The following ZFHX3 variants were observed in gnomAD, a reference collection of about 807,000 sequenced individuals.
The protein encoded by ZFHX3 is zinc finger homeobox protein 3.
A neutral mutation model predicts 279.1 loss-of-function variants in ZFHX3; 42 were observed. The observed-to-expected ratio is 0.15, with a 90% CI of 0.12 to 0.19. The LOEUF (loss-of-function observed/expected upper bound fraction) is 0.19, where lower values mean the gene tolerates loss of function less well. Among genes scored for constraint, ZFHX3 ranks in the 10% least tolerant of loss-of-function variants. ZFHX3 has a pLI of 1.00. For missense variants in ZFHX3, 4,981 were observed against 4,754.0 expected, an observed-to-expected ratio of 1.05 and a Z score of -1.40; for synonymous variants, 2,293 against 1,957.8, an observed-to-expected ratio of 1.17 and a Z score of -4.52.
intron 3 of ZFHX3, among the ~76,000 whole-genome samples, chr16:73,347,881 A>C (rs1323373272): frequency 1.3e-5 from 2 of 152,250 alleles, no homozygotes; most frequent in Non-Finnish European, 2.9e-5. Context: ...ATGCTAAGCA[A>C]GAACTTTGAT....
rs899302949 is a variant in ZFHX3, at chr16:72,801,243, C to T, written c.3865-1114G>A. On this transcript the variant is annotated intron_variant, in intron 7 of 9. Transcript: ENST00000268489. ...ACTACAGTCACCACTAACCTTTCTACGTGGCACCCAGCCCCACTTGGAGAC... is the reference window on the plus strand; with the variant it reads ...ACTACAGTCACCACTAACCTTTCTATGTGGCACCCAGCCCCACTTGGAGAC... Among the ~76,000 whole-genome samples the T allele has an allele frequency of 2.6e-5, 4 of 152,290 alleles. No individual in the cohort carries two copies. The East Asian group carries it at 5.8e-4, about 22-fold the overall frequency.
chr16:73,549,765 G>A (rs1250876317), intron 2 of ZFHX3, among the ~76,000 whole-genome samples: 1 of 152,068 alleles, frequency 6.6e-6, no homozygotes, highest in Non-Finnish European at 1.5e-5. Flanking sequence ...TTAAATCTGA[G>A]CAGAAAATAT....
chr16:73,782,111 T>C (rs1959491728), intron 1 of ZFHX3, among the ~76,000 whole-genome samples: 1 of 152,240 alleles, frequency 6.6e-6, no homozygotes, highest in African/African-American at 2.4e-5. Flanking sequence ...AAAGACTCTC[T>C]TTGGTCAGGA....
chr16:73,108,157 T>C (rs1966327177), intron 7 of ZFHX3, among the ~76,000 whole-genome samples: 1 of 151,728 alleles, frequency 6.6e-6, no homozygotes, highest in Non-Finnish European at 1.5e-5. Context: ...CAAGATTCCA[T>C]CTCAAATAAA....
At chr16:73,820,532 G>A (rs890347674) in intron 1 of ZFHX3, among the ~76,000 whole-genome samples, 1 of 152,044 alleles carries the variant, frequency 6.6e-6, no homozygotes, top group Non-Finnish European at 1.5e-5. Context: ...TGCACATTGA[G>A]TTTGCAGCCA....
intron 1 of ZFHX3, among the ~76,000 whole-genome samples, chr16:73,027,929 T>G (rs1394058875): frequency 6.6e-6 from 1 of 152,160 alleles, no homozygotes; most frequent in African/African-American, 2.4e-5. Context: ...CGCTCAGCAC[T>G]GCAGAGAGAG....
In ZFHX3 at chr16:73,246,799, A is replaced by G. The variant is rs187592946; in HGVS notation, c.-1104+10248T>C. On this transcript the variant is annotated intron_variant, in intron 5 of 17. Coordinates refer to the ZFHX3 transcript ENST00000641206. ...GTTCCTATATAATAAAGTTTTATAC[A>G]AACTAGTAATTCTAAAATGATTCTT... Among the ~76,000 whole-genome samples the G allele has an allele frequency of 8.9e-4, 135 of 152,342 alleles. 1 individual carries two copies. The highest frequency in any genetic ancestry group is 1.1e-3 in the Non-Finnish European group (78 of 68,028).
At chr16:73,318,267 T>G (rs539365550) in exon 4 of ZFHX3, 65 of 152,210 alleles carry the variant, frequency 4.3e-4, no homozygotes, top group African/African-American at 1.5e-3. Flanking sequence ...TGGAAAAAGC[T>G]GGAACCATGG....
chr16:73,066,072 C>G (rs1021774096), intron 8 of ZFHX3, among the ~76,000 whole-genome samples: 5 of 152,314 alleles, frequency 3.3e-5, no homozygotes, highest in Admixed American at 6.5e-5. Context: ...GCCGGGCTAC[C>G]CGTGGGGTGG....
chr16:73,302,700 G>C (rs2015084894), intron 4 of ZFHX3, among the ~76,000 whole-genome samples: 1 of 152,156 alleles, frequency 6.6e-6, no homozygotes, highest in African/African-American at 2.4e-5. Flanking sequence ...GGGACCTCAG[G>C]GAGTCAACAG....
At chr16:73,434,036 C>T (rs974942626) in intron 3 of ZFHX3, among the ~76,000 whole-genome samples, 1 of 152,188 alleles carries the variant, frequency 6.6e-6, no homozygotes, top group Admixed American at 6.5e-5. Flanking sequence ...TGGCTCTGAC[C>T]TCCCTTGACC....
intron 3 of ZFHX3, among the ~76,000 whole-genome samples, chr16:73,428,284 AT>A (rs954884364): frequency 6.6e-6 from 1 of 152,138 alleles, no homozygotes; most frequent in African/African-American, 2.4e-5. Flanking sequence ...CTCCCACCAT[AT>A]TAATTACTAC....
chr16:73,417,285 A>C lies in ZFHX3; in HGVS notation c.-1291+38718T>G, dbSNP rs574913967. Among the ~76,000 whole-genome samples, 122 of 152,142 alleles carry C rather than the reference A, an allele frequency of 8.0e-4. 1 individual carries two copies. Among genetic ancestry groups the C allele is most frequent in the African/African-American group, 2.8e-3 (117 of 41,410 alleles). ...AGCTGTCTTACATTTAGGATTGTGGATAGGATCCAAGAAACAGGACGTGAG... is the reference window on the plus strand; with the variant it reads ...AGCTGTCTTACATTTAGGATTGTGGCTAGGATCCAAGAAACAGGACGTGAG... On this transcript the variant is annotated intron_variant, in intron 3 of 17. Coordinates refer to the ZFHX3 transcript ENST00000641206.
intron 2 of ZFHX3, among the ~76,000 whole-genome samples, chr16:73,556,042 C>T (rs1340071014): frequency 6.6e-6 from 1 of 152,042 alleles, no homozygotes; most frequent in Non-Finnish European, 1.5e-5. Context: ...GTTTGTGTTT[C>T]TAAGCAGAGA....
chr16:73,035,833 G>A (rs983046179), intron 1 of ZFHX3, among the ~76,000 whole-genome samples: 1 of 152,222 alleles, frequency 6.6e-6, no homozygotes, highest in Non-Finnish European at 1.5e-5. Context: ...GAACCCAGGA[G>A]GAGGAAGGCA....
At chr16:73,217,145 A>T (rs746192361) in intron 5 of ZFHX3, among the ~76,000 whole-genome samples, 5 of 152,184 alleles carry the variant, frequency 3.3e-5, no homozygotes, top group Non-Finnish European at 5.9e-5. Context: ...GTTACAGATG[A>T]GTCAGAGGGA....
At chr16:73,787,867 G>GAGAC (rs1959700644) in intron 1 of ZFHX3, among the ~76,000 whole-genome samples, 1 of 151,908 alleles carries the variant, frequency 6.6e-6, no homozygotes, top group Admixed American at 6.6e-5. Flanking sequence ...GAGAGAGAGA[G>GAGAC]AGAGAGAGAG....
chr16:73,627,197 G>A (rs1424015590), intron 2 of ZFHX3, among the ~76,000 whole-genome samples: 1 of 152,166 alleles, frequency 6.6e-6, no homozygotes, highest in Non-Finnish European at 1.5e-5. Context: ...CACAGATGTA[G>A]GCAATAGCAA....
At chr16:73,515,532 GAGAGAGAGAGGAAGAGAGGGAGAGAA>G (rs1211064920) in intron 2 of ZFHX3, among the ~76,000 whole-genome samples, 2 of 149,486 alleles carry the variant, frequency 1.3e-5, no homozygotes, top group African/African-American at 5.0e-5. Flanking sequence ...GAAAGAGGGA[GAGAGAGAGAGGAAGAGAGGGAGAGAA>G]AGAGAGAGAA....
Sources: gnomAD v4.1 joint callset for allele counts (sites outside exome capture counted in the v4.1 genomes callset) on GRCh38, gnomAD v4.1.1 for gene constraint, MANE v1.5 for transcripts, NCBI Gene and HGNC (gene_info 2026-07-23, HGNC 2026-07-21) for gene names.